Variants in ANXA8 observed in about 807,000 individuals in gnomAD.
The protein encoded by ANXA8 is VAC-beta.
Under a neutral mutation model 26.8 loss-of-function variants are expected in ANXA8, and 9 were observed. That is an observed-to-expected ratio of 0.34 (90% CI 0.20 to 0.59). The LOEUF (loss-of-function observed/expected upper bound fraction) is 0.59. Among genes scored for constraint, ANXA8 ranks in the 20% least tolerant of loss-of-function variants. The pLI, the probability that ANXA8 is intolerant of heterozygous loss-of-function variation, is 0.84. For synonymous variants in ANXA8, 39 were observed against 94.8 expected, an observed-to-expected ratio of 0.41 and a Z score of 3.42; for missense variants, 83 against 238.5, an observed-to-expected ratio of 0.35 and a Z score of 4.29.
At chr10:47,650,340 C>A in the ANXA8 span, among the ~76,000 whole-genome samples, 1 of 146,118 alleles carries the variant, frequency 6.8e-6, no homozygotes, top group African/African-American at 2.5e-5. Flanking sequence ...AGCCACTGCA[C>A]CTGGCCAAAA....
the ANXA8 span, among the ~76,000 whole-genome samples, chr10:47,763,903 C>T: frequency 6.6e-6 from 1 of 151,880 alleles, no homozygotes; most frequent in East Asian, 1.9e-4. Context: ...CACACCCCCG[C>T]GTCACCTGTG....
chr10:47,659,605 G>A, the ANXA8 span, among the ~76,000 whole-genome samples: 2 of 151,172 alleles, frequency 1.3e-5, no homozygotes, highest in African/African-American at 2.5e-5. Flanking sequence ...GAACCCGGGA[G>A]GCAGAGGTTG....
At chr10:47,733,221 C>CTCTCTCTCTCTCTTTCTCTCTTTCTT in the ANXA8 span, among the ~76,000 whole-genome samples, 1 of 58,190 alleles carries the variant, frequency 1.7e-5, no homozygotes, top group African/African-American at 6.5e-5. Flanking sequence ...TTCTTTCTTT[C>CTCTCTCTCTCTCTTTCTCTCTTTCTT]TCTTTCTTTC....
chr10:47,657,385 A>T, the ANXA8 span, among the ~76,000 whole-genome samples: 4 of 151,824 alleles, frequency 2.6e-5, no homozygotes, highest in Non-Finnish European at 4.4e-5. Context: ...TATTTTTAGC[A>T]GTATTTATTT....
the ANXA8 span, among the ~76,000 whole-genome samples, chr10:47,526,114 T>A: frequency 1.1e-4 from 14 of 130,520 alleles, no homozygotes; most frequent in African/African-American, 3.1e-4. Flanking sequence ...CTTTTTATTT[T>A]TTTTTTTTTT....
chr10:47,741,900 G>A, the ANXA8 span, among the ~76,000 whole-genome samples: 1 of 121,332 alleles, frequency 8.2e-6, no homozygotes, highest in Non-Finnish European at 1.7e-5. Context: ...GAGTGCAATG[G>A]CACGATCTTG....
chr10:47,988,747 G>C, the ANXA8 span, among the ~76,000 whole-genome samples: 1 of 151,368 alleles, frequency 6.6e-6, no homozygotes, highest in South Asian at 2.1e-4. Flanking sequence ...GGGGCCCAGA[G>C]AGTCTTCTCA....
chr10:47,951,036 G>A, the ANXA8 span, among the ~76,000 whole-genome samples: 1 of 150,374 alleles, frequency 6.7e-6, no homozygotes, highest in Admixed American at 6.6e-5. Context: ...TCTTTGAAAA[G>A]ATCAATAAAA....
At chr10:47,586,190 G>C in the ANXA8 span, among the ~76,000 whole-genome samples, 1 of 144,928 alleles carries the variant, frequency 6.9e-6, no homozygotes, top group Non-Finnish European at 1.5e-5. Flanking sequence ...AGTTTAGCTG[G>C]CAGGAATCCC....
At chr10:47,567,022 C>T in the ANXA8 span, among the ~76,000 whole-genome samples, 1 of 147,176 alleles carries the variant, frequency 6.8e-6, no homozygotes, top group East Asian at 2.0e-4. Context: ...GTTCCAGGTC[C>T]GTCCCCCACC....
the ANXA8 span, among the ~76,000 whole-genome samples, chr10:47,555,638 T>A: frequency 2.0e-5 from 3 of 152,014 alleles, no homozygotes; most frequent in Admixed American, 6.5e-5. Context: ...TCCATTTGGA[T>A]GTTTAATGGA....
chr10:47,676,704 G>C, the ANXA8 span, among the ~76,000 whole-genome samples: 1 of 151,510 alleles, frequency 6.6e-6, no homozygotes, highest in South Asian at 2.1e-4. Flanking sequence ...CAAATCACAA[G>C]GTCAAGAGGT....
chr10:47,483,892 C>A lies in ANXA8; in HGVS notation c.21+21G>T, dbSNP rs1295834594. ...CCCAACACCATGCAGGAACCCAAATCTCCTGCCAGCTCCCACTTACCCAGG... is the reference window on the plus strand; with the variant it reads ...CCCAACACCATGCAGGAACCCAAATATCCTGCCAGCTCCCACTTACCCAGG... On this transcript the variant is annotated intron_variant, in intron 1 of 11. Transcript: ENST00000585281. 843 of 1,611,780 alleles carry A rather than the reference C, an allele frequency of 5.2e-4. 6 individuals carry two copies. Among genetic ancestry groups the A allele is most frequent in the Non-Finnish European group, 6.9e-4 (812 of 1,179,848 alleles).
chr10:47,625,787 C>T, the ANXA8 span, among the ~76,000 whole-genome samples: 2 of 150,422 alleles, frequency 1.3e-5, no homozygotes, highest in Non-Finnish European at 1.5e-5. Context: ...TGTTATTCGC[C>T]GTAGCCACCA....
the ANXA8 span, chr10:47,986,317 C>T: frequency 3.9e-5 from 7 of 177,758 alleles, no homozygotes; most frequent in Non-Finnish European, 7.2e-5. Context: ...TTTACCCAAG[C>T]CTTTTGCTCA....
At chr10:47,653,534 T>A in the ANXA8 span, among the ~76,000 whole-genome samples, 1 of 151,596 alleles carries the variant, frequency 6.6e-6, no homozygotes. Flanking sequence ...AGTGGGAAAA[T>A]TAAGGACATT....
the ANXA8 span, chr10:47,507,599 A>G: frequency 6.5e-7 from 1 of 1,531,296 alleles, no homozygotes. Flanking sequence ...GAAGGAAAAC[A>G]AATTCATAAC....
chr10:47,484,789 A>G, upstream of ANXA8: 2 of 557,592 alleles, frequency 3.6e-6, no homozygotes, highest in South Asian at 2.3e-5. Context: ...GCCTGGAAGG[A>G]GTTGGCTTGC....
At chr10:47,560,660 T>C in the ANXA8 span, among the ~76,000 whole-genome samples, 12 of 151,988 alleles carry the variant, frequency 7.9e-5, no homozygotes, top group African/African-American at 2.9e-4. Context: ...CCTAGGAGGG[T>C]GGCGTTAGCA....
Sources: gnomAD v4.1 joint callset for allele counts (sites outside exome capture counted in the v4.1 genomes callset) on GRCh38, gnomAD v4.1.1 for gene constraint, MANE v1.5 for transcripts, NCBI Gene and HGNC (gene_info 2026-07-23, HGNC 2026-07-21) for gene names.